Variants in KCNIP4 observed in about 807,000 individuals in gnomAD.
The protein encoded by KCNIP4 is potassium voltage-gated channel interacting protein 4, also known as Kv channel-interacting protein 4.
In KCNIP4, 12 loss-of-function variants were observed where a neutral mutation model predicts 34.0. The observed-to-expected ratio is 0.35, with a 90% CI of 0.23 to 0.57. The LOEUF is 0.57. Among genes scored for constraint, KCNIP4 ranks in the 20% least tolerant of loss-of-function variants. The pLI is 0.83. For missense variants in KCNIP4, 238 were observed against 311.7 expected (o/e 0.76, Z 1.78); for synonymous variants, 124 against 102.2 (o/e 1.21, Z -1.29).
At chr4:21,041,361 T>C (rs138708862) in intron 1 of KCNIP4, among the ~76,000 whole-genome samples, 177 of 152,270 alleles carry the variant, frequency 1.2e-3, no homozygotes, top group African/African-American at 4.1e-3. Context: ...AAGTATTGTG[T>C]GCACTCTATC....
At chr4:21,018,329 T>C (rs942153227) in intron 1 of KCNIP4, among the ~76,000 whole-genome samples, 1 of 152,186 alleles carries the variant, frequency 6.6e-6, no homozygotes, top group Non-Finnish European at 1.5e-5. Context: ...TATCTTCCCT[T>C]ATAAAGTGAA....
At chr4:21,308,731 T>C (rs952638755) in intron 1 of KCNIP4, among the ~76,000 whole-genome samples, 29 of 151,946 alleles carry the variant, frequency 1.9e-4, no homozygotes, top group Admixed American at 1.8e-3. Flanking sequence ...TGTGTGTGTG[T>C]GTGTGTGTAG....
intron 1 of KCNIP4, among the ~76,000 whole-genome samples, chr4:21,124,749 G>A (rs1750465922): frequency 6.6e-6 from 1 of 152,102 alleles, no homozygotes; most frequent in South Asian, 2.1e-4. Flanking sequence ...CCTTGACAGT[G>A]CAGCTGACAT....
At chr4:21,112,078 A>ATCTATCTATC (rs1278645309) in intron 1 of KCNIP4, among the ~76,000 whole-genome samples, 1 of 125,754 alleles carries the variant, frequency 8.0e-6, no homozygotes, top group African/African-American at 3.4e-5. Flanking sequence ...TCTATCATCT[A>ATCTATCTATC]TATCATCTAT....
chr4:20,905,862 A>G (rs1288580104), intron 1 of KCNIP4, among the ~76,000 whole-genome samples: 2 of 152,032 alleles, frequency 1.3e-5, no homozygotes, highest in South Asian at 2.1e-4. Context: ...GGAAAAAAAC[A>G]GTTAAAGCTT....
intron 3 of KCNIP4, among the ~76,000 whole-genome samples, chr4:20,785,141 A>C (rs796575036): frequency 3.3e-5 from 5 of 152,242 alleles, no homozygotes; most frequent in African/African-American, 1.2e-4. Flanking sequence ...AGCATCCCAC[A>C]TCAAGAGAAG....
chr4:20,741,574 G>A (rs1380957252), intron 5 of KCNIP4, among the ~76,000 whole-genome samples: 2 of 152,194 alleles, frequency 1.3e-5, no homozygotes, highest in East Asian at 3.9e-4. Flanking sequence ...AAAGCAGTGT[G>A]TAGAGGGAAA....
intron 1 of KCNIP4, among the ~76,000 whole-genome samples, chr4:21,892,455 G>T (rs921910508): frequency 2.0e-5 from 3 of 150,238 alleles, no homozygotes; most frequent in African/African-American, 4.9e-5. Flanking sequence ...GTGTATGTTT[G>T]GTGTGTGAAA....
intron 1 of KCNIP4, among the ~76,000 whole-genome samples, chr4:21,025,482 GAGAGAGAGAGAGA>G (rs1241709271): frequency 1.6e-5 from 1 of 64,396 alleles, no homozygotes; most frequent in African/African-American, 7.9e-5. Flanking sequence ...CTGAGAGAGA[GAGAGAGAGAGAGA>G]GAGAGAGAGA....
intron 1 of KCNIP4, among the ~76,000 whole-genome samples, chr4:20,917,160 C>T (rs1560568489): frequency 6.6e-6 from 1 of 150,620 alleles, no homozygotes; most frequent in African/African-American, 2.4e-5. Flanking sequence ...GCCTCAGCCT[C>T]CCAAGTAGCT....
At chr4:21,723,724 C>G (rs1360669713) in intron 1 of KCNIP4, among the ~76,000 whole-genome samples, 1 of 152,054 alleles carries the variant, frequency 6.6e-6, no homozygotes, top group African/African-American at 2.4e-5. Flanking sequence ...CAAGGCTCTT[C>G]CTAGCCTTTA....
At chr4:21,265,684 T>C (rs16870652) in intron 1 of KCNIP4, among the ~76,000 whole-genome samples, 27,756 of 152,136 alleles carry the variant, frequency 0.18, 3,302 homozygotes, top group African/African-American at 0.32. Flanking sequence ...GATAGAATCA[T>C]AATGGAAAAT....
intron 1 of KCNIP4, among the ~76,000 whole-genome samples, chr4:21,054,120 A>T (rs573867518): frequency 1.3e-5 from 2 of 152,328 alleles, no homozygotes; most frequent in South Asian, 4.1e-4. Context: ...ACAAAAGTTT[A>T]TATGGAGAGG....
intron 1 of KCNIP4, among the ~76,000 whole-genome samples, chr4:21,635,351 A>G (rs368786385): frequency 1.3e-5 from 2 of 152,224 alleles, no homozygotes; most frequent in East Asian, 1.9e-4. Context: ...GATAGCCCAG[A>G]GTTCTAGAGA....
intron 1 of KCNIP4, among the ~76,000 whole-genome samples, chr4:21,580,848 T>C (rs1191041552): frequency 1.3e-5 from 2 of 152,018 alleles, no homozygotes; most frequent in African/African-American, 4.8e-5. Context: ...CTTTCCTGAG[T>C]ATTGCAACGA....
chr4:20,925,874 G>A lies in KCNIP4; in HGVS notation c.62-43165C>T, dbSNP rs533940302. Reference sequence around the variant, plus strand: ...GCACAGACTTCCAATAACTCTTTCCGAGTGGAGTCACATAGGACTCACTTA... The same window carrying A: ...GCACAGACTTCCAATAACTCTTTCCAAGTGGAGTCACATAGGACTCACTTA... On this transcript the variant is annotated intron_variant, in intron 1 of 8. Transcript: ENST00000382152. Among the ~76,000 whole-genome samples, 21 of 152,220 alleles carry A rather than the reference G, an allele frequency of 1.4e-4. 1 individual carries two copies. The South Asian group carries it at 4.2e-3, about 30-fold the overall frequency.
chr4:20,954,306 T>C (rs147458560), intron 1 of KCNIP4, among the ~76,000 whole-genome samples: 2 of 152,296 alleles, frequency 1.3e-5, no homozygotes, highest in Non-Finnish European at 2.9e-5. Context: ...GAAAGATTTC[T>C]TAAAATCCTG....
chr4:21,663,402 G>A (rs1031166310), intron 1 of KCNIP4, among the ~76,000 whole-genome samples: 7 of 152,146 alleles, frequency 4.6e-5, no homozygotes, highest in Admixed American at 1.3e-4. Flanking sequence ...GGTGCCCATC[G>A]GAGGAACATG....
chr4:21,749,722 A>AG (rs1717024106), intron 1 of KCNIP4, among the ~76,000 whole-genome samples: 1 of 152,068 alleles, frequency 6.6e-6, no homozygotes, highest in African/African-American at 2.4e-5. Flanking sequence ...ACTGAGGGTC[A>AG]GGGCCCTTTC....
Sources: allele counts gnomAD v4.1 joint callset (sites outside exome capture counted in the v4.1 genomes callset), GRCh38; gene constraint gnomAD v4.1.1; transcripts MANE v1.5; gene names NCBI Gene and HGNC (gene_info 2026-07-23, HGNC 2026-07-21).